The following CNTNAP2 variants were observed in gnomAD, a reference collection of about 807,000 sequenced individuals.
CNTNAP2 encodes the protein contactin associated protein 2.
In CNTNAP2, 98 loss-of-function variants were observed where a neutral mutation model predicts 155.2. The observed-to-expected ratio is 0.63, with a 90% CI of 0.54 to 0.75. The LOEUF (loss-of-function observed/expected upper bound fraction) is 0.75, where lower values mean the gene tolerates loss of function less well. Among genes scored for constraint, CNTNAP2 ranks in the 30% least tolerant of loss-of-function variants. CNTNAP2 has a pLI of 0.00. For synonymous variants in CNTNAP2, 651 were observed against 631.2 expected, an observed-to-expected ratio of 1.03 and a Z score of -0.47; for missense variants, 1,727 against 1,688.1, an observed-to-expected ratio of 1.02 and a Z score of -0.40.
chr7:147,297,169 C>T (rs1794839090), intron 8 of CNTNAP2, among the ~76,000 whole-genome samples: 1 of 151,250 alleles, frequency 6.6e-6, no homozygotes, highest in African/African-American at 2.4e-5. Flanking sequence ...TAGTCAGCAA[C>T]TCCAATGCTA....
At position 147,562,226 on chromosome 7, in the gene CNTNAP2, G is replaced by A; in HGVS notation, c.1866G>A (p.Leu622=). 6.2e-7 allele frequency: 1 copy of A among 1,613,950 alleles called. No homozygotes were observed. The highest frequency in any genetic ancestry group is 8.5e-7 in the Non-Finnish European group (1 of 1,179,902). ...TAGATCCTGATGGCAGCGGACCTCT[G>A]GGGCCTCTGAAAGTTTACTGCAACA... The part of the protein sequence containing the change: ...YWIDPDGSGP[L]GPLKVYCNMT... The change falls in exon 12 of 24, where the codon CTG becomes CTA. Residue 622 remains leucine (L), a synonymous_variant. Transcript: ENST00000361727.
intron 8 of CNTNAP2, among the ~76,000 whole-genome samples, chr7:147,198,887 C>T (rs1802863124): frequency 6.6e-6 from 1 of 150,960 alleles, no homozygotes; most frequent in African/African-American, 2.4e-5. Flanking sequence ...GATACCAGAG[C>T]TGAGCCAGAA....
At chr7:147,312,387 A>C (rs902414081) in intron 9 of CNTNAP2, among the ~76,000 whole-genome samples, 7 of 149,628 alleles carry the variant, frequency 4.7e-5, no homozygotes, top group African/African-American at 1.7e-4. Context: ...CATTAGGTAT[A>C]TCTCCTAATG....
intron 15 of CNTNAP2, among the ~76,000 whole-genome samples, chr7:148,064,087 G>A (rs1267882703): frequency 6.6e-6 from 1 of 151,884 alleles, no homozygotes; most frequent in Admixed American, 6.6e-5. Context: ...CCATTGGTCT[G>A]TATACCTATT....
intron 1 of CNTNAP2, among the ~76,000 whole-genome samples, chr7:146,392,512 G>A (rs563551805): frequency 1.6e-4 from 25 of 152,122 alleles, no homozygotes; most frequent in African/African-American, 2.7e-4. Context: ...TCTCTTTTTC[G>A]GTTGAAAGCA....
intron 13 of CNTNAP2, among the ~76,000 whole-genome samples, chr7:147,697,770 G>A (rs1796184591): frequency 6.6e-6 from 1 of 152,156 alleles, no homozygotes. Context: ...TGGTAAAATA[G>A]TTTCTCCTCT....
intron 1 of CNTNAP2, among the ~76,000 whole-genome samples, chr7:146,141,224 G>T (rs572145175): frequency 6.6e-6 from 1 of 152,146 alleles, no homozygotes; most frequent in African/African-American, 2.4e-5. Context: ...TACATTTGTC[G>T]TTGTTATATT....
chr7:146,796,796 G>T lies in CNTNAP2; in HGVS notation c.208+22415G>T, dbSNP rs187475363. Reference sequence around the variant, plus strand: ...GTGGGGATTACATAAGTTAATACATGTAATGCATTTCAAGCAGAGCTCAGA... The same window carrying T: ...GTGGGGATTACATAAGTTAATACATTTAATGCATTTCAAGCAGAGCTCAGA... On this transcript the variant is annotated intron_variant, in intron 2 of 23. Transcript: ENST00000361727. Among the ~76,000 whole-genome samples, 20 of 152,066 alleles carry T rather than the reference G, an allele frequency of 1.3e-4. No homozygotes were observed. The South Asian group carries it at 1.7e-3, about 13-fold the overall frequency.
At chr7:146,385,312 C>T (rs1795445116) in intron 1 of CNTNAP2, among the ~76,000 whole-genome samples, 1 of 152,140 alleles carries the variant, frequency 6.6e-6, no homozygotes, top group South Asian at 2.1e-4. Flanking sequence ...GTATTCCCAC[C>T]TGTACAGAGC....
intron 13 of CNTNAP2, among the ~76,000 whole-genome samples, chr7:147,879,305 G>C (rs996952322): frequency 6.6e-6 from 1 of 152,090 alleles, no homozygotes; most frequent in Admixed American, 6.5e-5. Flanking sequence ...TTTACACAGG[G>C]CTGGCATTCA....
chr7:146,734,945 A>G (rs1442930265), intron 1 of CNTNAP2, among the ~76,000 whole-genome samples: 1 of 152,208 alleles, frequency 6.6e-6, no homozygotes, highest in East Asian at 1.9e-4. Context: ...CTGAAGGAGT[A>G]CAGCGTGTAT....
chr7:148,406,005 G>A (rs564223599), intron 22 of CNTNAP2, among the ~76,000 whole-genome samples: 41 of 152,126 alleles, frequency 2.7e-4, no homozygotes, highest in African/African-American at 8.7e-4. Context: ...GGCCAAGACC[G>A]GCAGATCACG....
chr7:146,859,005 T>C (rs1795045938), intron 3 of CNTNAP2, among the ~76,000 whole-genome samples: 1 of 152,168 alleles, frequency 6.6e-6, no homozygotes, highest in Non-Finnish European at 1.5e-5. Flanking sequence ...TCCCAAACTT[T>C]CATAAGAAAG....
chr7:147,730,917 A>G (rs1351265182), intron 13 of CNTNAP2, among the ~76,000 whole-genome samples: 1 of 152,126 alleles, frequency 6.6e-6, no homozygotes, highest in Non-Finnish European at 1.5e-5. Flanking sequence ...GAAAGTTTTG[A>G]TGGTCTGCAT....
chr7:147,498,048 G>A (rs543569966), intron 11 of CNTNAP2, among the ~76,000 whole-genome samples: 17 of 152,120 alleles, frequency 1.1e-4, no homozygotes, highest in African/African-American at 2.6e-4. Context: ...GATTGCATGC[G>A]TATTAGATGC....
At chr7:146,433,827 T>G (rs1223994697) in intron 1 of CNTNAP2, among the ~76,000 whole-genome samples, 3 of 152,154 alleles carry the variant, frequency 2.0e-5, no homozygotes, top group Non-Finnish European at 4.4e-5. Context: ...TGAATAAATG[T>G]ATGTACACAA....
chr7:146,562,924 G>A (rs1584982916), intron 1 of CNTNAP2, among the ~76,000 whole-genome samples: 2 of 152,180 alleles, frequency 1.3e-5, no homozygotes, highest in African/African-American at 4.8e-5. Context: ...AAACTACACA[G>A]CAGACACTCT....
chr7:148,087,041 A>G (rs1316122436), intron 15 of CNTNAP2, among the ~76,000 whole-genome samples: 2 of 152,156 alleles, frequency 1.3e-5, no homozygotes, highest in Non-Finnish European at 2.9e-5. Flanking sequence ...TATTAGGGCC[A>G]TTGAAGAATT....
chr7:147,416,487 C>T (rs1454550283), intron 10 of CNTNAP2, among the ~76,000 whole-genome samples: 1 of 152,220 alleles, frequency 6.6e-6, no homozygotes, highest in Non-Finnish European at 1.5e-5. Context: ...ACCAATACAA[C>T]TCCAGTGTTC....
Sources: allele counts gnomAD v4.1 joint callset (sites outside exome capture counted in the v4.1 genomes callset), GRCh38; gene constraint gnomAD v4.1.1; transcripts MANE v1.5; gene names NCBI Gene and HGNC (gene_info 2026-07-23, HGNC 2026-07-21).